The following EIF2AK4 variants were observed in gnomAD, a reference collection of about 807,000 sequenced individuals.
The protein encoded by EIF2AK4 is eukaryotic translation initiation factor 2 alpha kinase 4.
In EIF2AK4, 139 loss-of-function variants were observed where a neutral mutation model predicts 211.1. The ratio of observed to expected loss-of-function variants is 0.66; its 90% CI spans 0.57 to 0.76. EIF2AK4 has a LOEUF of 0.76. Among genes scored for constraint, EIF2AK4 ranks in the 30% least tolerant of loss-of-function variants. The pLI is 0.00. For missense variants in EIF2AK4, 1,664 were observed against 2,043.8 expected (o/e 0.81, Z 3.58); for synonymous variants, 710 against 751.3 (o/e 0.94, Z 0.90).
chr15:39,965,652 T>C (rs753992814), intron 7 of EIF2AK4, 34 bp from the exon 8 acceptor site: 2 of 1,602,148 alleles, frequency 1.2e-6, no homozygotes, highest in Non-Finnish European at 1.7e-6. Context: ...AACATACCAG[T>C]GGGATTTAAT....
chr15:39,994,464 C>A (rs2034992786), intron 18 of EIF2AK4, among the ~76,000 whole-genome samples: 1 of 152,086 alleles, frequency 6.6e-6, no homozygotes, highest in African/African-American at 2.4e-5. Flanking sequence ...AAAAAATTAG[C>A]CAGTCCTGGT....
chr15:39,936,885 A>T (rs1595538278), intron 1 of EIF2AK4, among the ~76,000 whole-genome samples: 1 of 152,190 alleles, frequency 6.6e-6, no homozygotes, highest in East Asian at 1.9e-4. Flanking sequence ...ACAAATAAAC[A>T]CTATAACTAA....
intron 20 of EIF2AK4, among the ~76,000 whole-genome samples, chr15:39,999,492 G>A (rs1271649086): frequency 1.3e-5 from 2 of 152,088 alleles, no homozygotes; most frequent in Non-Finnish European, 2.9e-5. Context: ...AATCATTAAT[G>A]TTGAGAACAA....
rs1427128079 is a variant in EIF2AK4, at chr15:39,961,856, G to A, written c.816G>A (p.Met272Ile). 1 of 1,614,086 alleles carries A rather than the reference G, an allele frequency of 6.2e-7. No individual in the cohort carries two copies. The highest frequency in any genetic ancestry group is 2.2e-5 in the East Asian group (1 of 44,874). ...PGSCEILYFNMGSPDQLMVHK... is the reference protein window; with the variant it reads ...PGSCEILYFNIGSPDQLMVHK... ...CTTGTGAAATTCTGTATTTCAATAT[G>A]GGGAGTCCTGATCAGCTCATGGTGC... The change falls in exon 7 of 39, where the codon ATG (methionine) becomes ATA (isoleucine). Residue 272 changes from methionine to isoleucine, a missense_variant. This residue lies in a region of EIF2AK4 where 641 missense variants were observed against 729.6 expected (regional missense o/e 0.88). Coordinates refer to ENST00000263791, the MANE Select transcript of EIF2AK4 (RefSeq NM_001013703.4).
chr15:39,988,333 G>A (rs773231945), intron 15 of EIF2AK4, among the ~76,000 whole-genome samples: 3 of 152,174 alleles, frequency 2.0e-5, no homozygotes, highest in Non-Finnish European at 4.4e-5. Flanking sequence ...TAAAGGTTAG[G>A]ACAGGGATCA....
At chr15:39,978,748 T>A (rs888989654) in intron 13 of EIF2AK4, among the ~76,000 whole-genome samples, 1 of 152,198 alleles carries the variant, frequency 6.6e-6, no homozygotes, top group Admixed American at 6.5e-5. Context: ...ATAATTTTTT[T>A]TTGAGATTGT....
chr15:40,032,275 G>A (rs1223878533), intron 36 of EIF2AK4, 38 bp downstream of exon 36: 1 of 1,581,758 alleles, frequency 6.3e-7, no homozygotes, highest in Admixed American at 1.7e-5. Context: ...GGTGGCTTCT[G>A]TCCATACTGT....
chr15:40,028,414 T>C (rs566030700), intron 33 of EIF2AK4, among the ~76,000 whole-genome samples: 1 of 152,274 alleles, frequency 6.6e-6, no homozygotes, highest in South Asian at 2.1e-4. Flanking sequence ...CCAACAATGA[T>C]TTTGCTTCCC....
Position 39,992,207 on chromosome 15 carries a change from CTTGA to C in EIF2AK4, c.2667_2670del (p.Ile890SerfsTer8). 6.2e-7 allele frequency: 1 copy of C among 1,612,172 alleles called. No individual in the cohort carries two copies. Among genetic ancestry groups the C allele is most frequent in the Non-Finnish European group, 8.5e-7 (1 of 1,179,072 alleles). ...GCAAACAAGACGATCAGACAGGAGA[CTTGA>C]TTAAGTCAGACCCTTCAGGTAAACC... is the stretch of plus-strand genomic sequence containing the variant. On this transcript the variant is annotated frameshift_variant, in exon 17 of 39. Coordinates refer to ENST00000263791, the MANE Select transcript of EIF2AK4 (RefSeq NM_001013703.4). LOFTEE classifies it high-confidence loss of function.
chr15:39,963,179 A>C (rs1190087879), intron 7 of EIF2AK4, among the ~76,000 whole-genome samples: 1 of 152,234 alleles, frequency 6.6e-6, no homozygotes, highest in African/African-American at 2.4e-5. Context: ...CAGAGCTGCC[A>C]TATTTAGACA....
intron 23 of EIF2AK4, among the ~76,000 whole-genome samples, chr15:40,004,790 A>T (rs1476799104): frequency 6.6e-6 from 1 of 152,202 alleles, no homozygotes; most frequent in African/African-American, 2.4e-5. Context: ...GCTGGACTCA[A>T]GCAGATCCTT....
Position 40,001,033 on chromosome 15 carries a change from C to T in EIF2AK4, c.2968C>T (p.Pro990Ser). The T allele has an allele frequency of 6.2e-7, 1 of 1,614,178 alleles. No homozygotes were observed. The highest frequency in any genetic ancestry group is 8.5e-7 in the Non-Finnish European group (1 of 1,180,038). Residue 990 changes from proline (P) to serine (S), a missense_variant, in exon 21 of 39, where the codon CCC becomes TCC. Pro to Ser is a moderately conservative substitution (Grantham distance 74, BLOSUM62 -1). This residue lies in a region of EIF2AK4 where 622 missense variants were observed against 796.8 expected (regional missense o/e 0.78). Transcript: ENST00000263791. The stretch of plus-strand genomic sequence containing the variant: ...GTTGAACCACGATCCAGCAAAACGG[C>T]CCACAGCCACAGAACTGCTCAAGAG... Reference protein sequence around the residue: ...WLLNHDPAKRPTATELLKSEL... With the variant: ...WLLNHDPAKRSTATELLKSEL...
intron 21 of EIF2AK4, among the ~76,000 whole-genome samples, chr15:40,001,734 A>C (rs573293498): frequency 3.2e-4 from 48 of 152,170 alleles, no homozygotes; most frequent in South Asian, 6.2e-4. Flanking sequence ...GATGAAGTAT[A>C]AAGTAGTTCC....
chr15:40,022,623 T>C lies in EIF2AK4; in HGVS notation c.4389+18T>C. The C allele has an allele frequency of 6.2e-7, 1 of 1,611,712 alleles. No homozygotes were observed. Among genetic ancestry groups the C allele is most frequent in the Non-Finnish European group, 8.5e-7 (1 of 1,177,810 alleles). On this transcript the variant is annotated intron_variant, in intron 32 of 38. Coordinates refer to ENST00000263791, the MANE Select transcript of EIF2AK4 (RefSeq NM_001013703.4). ...ATGTCAAGGTAAAGACGTCAGAGAT[T>C]TTTTACAATTCAATAGTTAGGTGTT...
In EIF2AK4 at chr15:40,032,818, C is replaced by T. The variant is rs576650283; in HGVS notation, c.4773+17C>T. On this transcript the variant is annotated intron_variant, in intron 37 of 38. Transcript: ENST00000263791. ...TCATTAGAGGTAAGCAATATGAACT[C>T]TTCTGCACTGTGGCCTTTAAGATCC... 8.1e-6 allele frequency: 13 copies of T among 1,606,890 alleles called. No homozygotes were observed. The South Asian group carries it at 1.1e-4, about 14-fold the overall frequency.
intron 6 of EIF2AK4, among the ~76,000 whole-genome samples, chr15:39,958,980 T>C (rs2034430088): frequency 1.3e-5 from 2 of 152,248 alleles, no homozygotes; most frequent in African/African-American, 4.8e-5. Context: ...TCATCTAAAA[T>C]TGTATTATGT....
intron 8 of EIF2AK4, among the ~76,000 whole-genome samples, chr15:39,966,853 G>A (rs28617639): frequency 0.3 from 46,066 of 151,224 alleles, 7,080 homozygotes; most frequent in African/African-American, 0.35. Flanking sequence ...TTTTTTTTCT[G>A]TCTTCAACCT....
chr15:40,016,224 G>A (rs1344177863), intron 27 of EIF2AK4, among the ~76,000 whole-genome samples: 3 of 152,230 alleles, frequency 2.0e-5, no homozygotes, highest in African/African-American at 4.8e-5. Context: ...GCTAGTGCCA[G>A]GGTCTGCTTT....
Position 40,035,008 on chromosome 15 carries a change from C to A in EIF2AK4, c.4893-19C>A. On this transcript the variant is annotated intron_variant, in intron 38 of 38. Coordinates refer to ENST00000263791, the MANE Select transcript of EIF2AK4 (RefSeq NM_001013703.4). ...CATTAAACTGAGTCTGTCCTTATATCTTTTCTTTTCTTTTGCAGGGTGTCT... is the reference window on the plus strand; with the variant it reads ...CATTAAACTGAGTCTGTCCTTATATATTTTCTTTTCTTTTGCAGGGTGTCT... 6.5e-7 allele frequency: 1 copy of A among 1,547,212 alleles called. No homozygotes were observed. The highest frequency in any genetic ancestry group is 8.7e-7 in the Non-Finnish European group (1 of 1,151,074).
Sources: gnomAD v4.1 joint callset for allele counts (sites outside exome capture counted in the v4.1 genomes callset) on GRCh38, gnomAD v4.1.1 for gene constraint, gnomAD v4.1.1 regional missense constraint, MANE v1.5 for transcripts, NCBI Gene and HGNC (gene_info 2026-07-23, HGNC 2026-07-21) for gene names.